The following ROBO2 variants were observed in gnomAD, a reference collection of about 807,000 sequenced individuals.
The protein encoded by ROBO2 is roundabout homolog 2.
ROBO2 carries 53 observed loss-of-function variants against 160.8 expected under a neutral mutation model. The ratio of observed to expected loss-of-function variants is 0.33; its 90% CI spans 0.26 to 0.41. ROBO2 has a LOEUF of 0.41. Ranked by LOEUF, ROBO2 falls within the 10% of genes least tolerant of loss-of-function variation. The pLI, the probability that ROBO2 is intolerant of heterozygous loss-of-function variation, is 1.00. For missense variants in ROBO2, 1,577 were observed against 1,722.4 expected (o/e 0.92, Z 1.49); for synonymous variants, 664 against 611.7 (o/e 1.09, Z -1.26).
intron 2 of ROBO2, among the ~76,000 whole-genome samples, chr3:76,945,812 C>A (rs2149137348): frequency 6.6e-6 from 1 of 152,272 alleles, no homozygotes; most frequent in Admixed American, 6.5e-5. Context: ...TATTTAGCAT[C>A]TCCTATCTTT....
intron 2 of ROBO2, among the ~76,000 whole-genome samples, chr3:75,990,935 T>C (rs968540878): frequency 1.1e-4 from 17 of 152,194 alleles, no homozygotes; most frequent in Non-Finnish European, 1.8e-4. Context: ...TCTAATCCAC[T>C]GAGGTCCTAA....
chr3:75,994,106 G>A (rs1009411493), intron 2 of ROBO2, among the ~76,000 whole-genome samples: 13 of 152,116 alleles, frequency 8.5e-5, no homozygotes, highest in Non-Finnish European at 1.9e-4. Flanking sequence ...ATAGGGCTCT[G>A]TGGGACTGTA....
chr3:76,272,868 TATATA>T (rs1707593644), intron 2 of ROBO2, among the ~76,000 whole-genome samples: 1 of 84,450 alleles, frequency 1.2e-5, no homozygotes, highest in Non-Finnish European at 2.1e-5. Flanking sequence ...ATATATAAAA[TATATA>T]ATATATATTT....
intron 1 of ROBO2, among the ~76,000 whole-genome samples, chr3:77,066,431 T>C (rs1236635806): frequency 1.3e-5 from 2 of 152,160 alleles, no homozygotes; most frequent in Non-Finnish European, 2.9e-5. Flanking sequence ...AGTCAACTCT[T>C]TGTTCTATAG....
At chr3:76,634,365 C>G (rs13097721) in intron 2 of ROBO2, among the ~76,000 whole-genome samples, 28,564 of 152,000 alleles carry the variant, frequency 0.19, 2,794 homozygotes, top group Non-Finnish European at 0.22. Flanking sequence ...GTCAGGAGTT[C>G]CAGACCAGCC....
chr3:76,145,632 C>T (rs2106796624), intron 2 of ROBO2, among the ~76,000 whole-genome samples: 1 of 152,058 alleles, frequency 6.6e-6, no homozygotes, highest in African/African-American at 2.4e-5. Context: ...GAGAGAGATA[C>T]ATGGAGATAT....
chr3:76,444,367 T>C (rs772277793), intron 2 of ROBO2, among the ~76,000 whole-genome samples: 3 of 152,176 alleles, frequency 2.0e-5, no homozygotes, highest in Non-Finnish European at 4.4e-5. Flanking sequence ...AAGTAACTCA[T>C]AATTCTAAAT....
At chr3:77,374,125 G>C (rs1253928636) in intron 2 of ROBO2, among the ~76,000 whole-genome samples, 2 of 119,136 alleles carry the variant, frequency 1.7e-5, no homozygotes, top group East Asian at 5.6e-4. Flanking sequence ...AGCTGAGATC[G>C]CACCACTGCA....
At chr3:77,508,355 ATAT>A (rs1377827538) in intron 5 of ROBO2, among the ~76,000 whole-genome samples, 76 of 139,562 alleles carry the variant, frequency 5.4e-4, no homozygotes, top group Non-Finnish European at 9.0e-4. Context: ...TATAAAACAT[ATAT>A]TATTATAAAA....
intron 2 of ROBO2, among the ~76,000 whole-genome samples, chr3:76,776,410 G>C (rs1472214710): frequency 6.6e-6 from 1 of 150,868 alleles, no homozygotes; most frequent in Admixed American, 6.6e-5. Flanking sequence ...ATTGTGTTTA[G>C]CTCATATAAA....
chr3:76,748,611 T>C (rs1395984549), intron 2 of ROBO2, among the ~76,000 whole-genome samples: 1 of 151,796 alleles, frequency 6.6e-6, no homozygotes, highest in African/African-American at 2.4e-5. Context: ...AGTAATTTAA[T>C]TTAAATGGGA....
intron 2 of ROBO2, among the ~76,000 whole-genome samples, chr3:76,705,394 A>G (rs1254591452): frequency 6.6e-6 from 1 of 152,172 alleles, no homozygotes; most frequent in Non-Finnish European, 1.5e-5. Context: ...ACACACAGTG[A>G]TAAATACGTA....
At chr3:77,381,377 G>A (rs1294326857) in intron 2 of ROBO2, among the ~76,000 whole-genome samples, 2 of 152,078 alleles carry the variant, frequency 1.3e-5, no homozygotes, top group African/African-American at 4.8e-5. Context: ...AGAATCTATA[G>A]AAGGTCTAAA....
At chr3:76,232,879 A>C (rs1704706062) in intron 2 of ROBO2, among the ~76,000 whole-genome samples, 1 of 152,100 alleles carries the variant, frequency 6.6e-6, no homozygotes, top group African/African-American at 2.4e-5. Flanking sequence ...CTTTTATCTC[A>C]CAGAGAAAAT....
chr3:77,210,520 T>C (rs555558799), intron 2 of ROBO2, among the ~76,000 whole-genome samples: 1 of 152,286 alleles, frequency 6.6e-6, no homozygotes, highest in East Asian at 1.9e-4. Context: ...ATTCACCATA[T>C]ATTGCTCGGT....
chr3:77,614,928 A>G (rs998504227), intron 21 of ROBO2, among the ~76,000 whole-genome samples: 10 of 152,100 alleles, frequency 6.6e-5, no homozygotes, highest in African/African-American at 1.7e-4. Context: ...TTAGGGAAGT[A>G]TTTGAACTCT....
rs146506587 is a variant in ROBO2 at position 77,048,438 on chromosome 3, CAA to C, written c.61+7593_61+7594del. On this transcript the variant is annotated intron_variant, in intron 1 of 25. Transcript: ENST00000461745. ...AGGTGCGACGAATGAAGATAGTAAA[CAA>C]GAGAGGAATCACACAAATGGCAATT... is the stretch of plus-strand genomic sequence containing the variant. 2.2e-3 allele frequency among the ~76,000 whole-genome samples: 335 copies of C among 152,244 alleles called. 10 individuals are homozygous for C. The East Asian group carries it at 0.058, about 27-fold the overall frequency.
rs1234590179 is a variant in ROBO2 at position 77,306,938 on chromosome 3, C to G, written c.389-170476C>G. Among the ~76,000 whole-genome samples, 3 of 152,210 alleles carry G rather than the reference C, an allele frequency of 2.0e-5. No individual in the cohort carries two copies. The East Asian group carries it at 5.8e-4, about 29-fold the overall frequency. On this transcript the variant is annotated intron_variant, in intron 2 of 25. Coordinates refer to ENST00000461745, the Ensembl canonical transcript of ROBO2. ...TTTACAAAAGGCACTCTCTTTGCAT[C>G]TGACAATACGCAATTTCATTTTTCA...
At chr3:76,802,722 C>T (rs1300788855) in intron 2 of ROBO2, among the ~76,000 whole-genome samples, 8 of 126,872 alleles carry the variant, frequency 6.3e-5, no homozygotes, top group Admixed American at 1.8e-4. Flanking sequence ...AGCGAGACTC[C>T]GTCTCAAAAA....
Sources: gnomAD v4.1 joint callset for allele counts (sites outside exome capture counted in the v4.1 genomes callset) on GRCh38, gnomAD v4.1.1 for gene constraint, MANE v1.5 for transcripts, NCBI Gene and HGNC (gene_info 2026-07-23, HGNC 2026-07-21) for gene names.